The following SEC14L6 variants were observed in gnomAD, a reference collection of about 807,000 sequenced individuals.
SEC14L6 encodes the protein SEC14 like lipid binding 6.
In SEC14L6, 40 loss-of-function variants were observed where a neutral mutation model predicts 54.1. The ratio of observed to expected loss-of-function variants is 0.74; its 90% CI spans 0.57 to 0.96. The LOEUF (loss-of-function observed/expected upper bound fraction) is 0.96. Ranked by LOEUF, SEC14L6 falls within the 40% of genes least tolerant of loss-of-function variation. The pLI is 0.00. For missense variants in SEC14L6, 471 were observed against 498.3 expected, an observed-to-expected ratio of 0.95 and a Z score of 0.52; for synonymous variants, 171 against 198.4, an observed-to-expected ratio of 0.86 and a Z score of 1.16.
chr22:30,531,628 G>T (rs1936976703), intron 6 of SEC14L6, among the ~76,000 whole-genome samples: 1 of 152,182 alleles, frequency 6.6e-6, no homozygotes, highest in African/African-American at 2.4e-5. Context: ...GGAGGCTGAG[G>T]CAGAAGAATT....
At chr22:30,542,877 G>A (rs190986873) in intron 1 of SEC14L6, 2 of 1,600,156 alleles carry the variant, frequency 1.2e-6, no homozygotes, top group African/African-American at 1.3e-5. Flanking sequence ...GAACCAACAT[G>A]GACTTTTCCA....
chr22:30,538,084 A>T (rs1450626690), intron 2 of SEC14L6, among the ~76,000 whole-genome samples: 1 of 152,196 alleles, frequency 6.6e-6, no homozygotes, highest in African/African-American at 2.4e-5. Context: ...TCATGCCTGT[A>T]ATCCCAGCAC....
At chr22:30,543,726 A>C in intron 1 of SEC14L6, 2 of 1,597,274 alleles carry the variant, frequency 1.3e-6, no homozygotes, top group Non-Finnish European at 1.7e-6. Flanking sequence ...TGGTGGCCCT[A>C]CTGATGGAGG....
At chr22:30,546,252 A>G (rs1393227165) in intron 1 of SEC14L6, among the ~76,000 whole-genome samples, 1 of 151,866 alleles carries the variant, frequency 6.6e-6, no homozygotes, top group Non-Finnish European at 1.5e-5. Flanking sequence ...GCGTGGTAGC[A>G]GGTGCCTGTA....
At position 30,525,643 on chromosome 22, in the gene SEC14L6, C is replaced by T; in HGVS notation, c.879G>A (p.Glu293=). The T allele has an allele frequency of 6.2e-7, 1 of 1,609,872 alleles. No individual in the cohort carries two copies. Among genetic ancestry groups the T allele is most frequent in the Non-Finnish European group, 8.5e-7 (1 of 1,178,314 alleles). Residue 293 remains glutamate (E), a synonymous_variant, in exon 10 of 12, where the codon GAG becomes GAA. Coordinates refer to ENST00000402034, the MANE Select transcript of SEC14L6 (RefSeq NM_001193336.4). The part of the protein sequence containing the change: ...SVGRGSSLQV[E]NEILFPGCVL... ...CACAGCCCGGGAACAGGATCTCGTT[C>T]TCCACCTGCAGGGAGGAGCCGCGGC...
At chr22:30,529,463 C>A in intron 6 of SEC14L6, 114 bp from the exon 7 acceptor site, 1 of 827,350 alleles carries the variant, frequency 1.2e-6, no homozygotes. Flanking sequence ...TGCCAACCAT[C>A]CAAGGCTTTG....
At chr22:30,546,501 G>T in intron 1 of SEC14L6, 128 bp downstream of exon 1, 1 of 735,452 alleles carries the variant, frequency 1.4e-6, no homozygotes, top group Non-Finnish European at 2.2e-6. Flanking sequence ...TGGCTACCAA[G>T]CCCCTCAGGG....
Position 30,538,922 on chromosome 22 carries a change from G to C in SEC14L6, c.55-20C>G. 1 of 1,542,032 alleles carries C rather than the reference G, an allele frequency of 6.5e-7. No individual in the cohort carries two copies. The highest frequency in any genetic ancestry group is 8.8e-7 in the Non-Finnish European group (1 of 1,138,732). ...CCGGAACTGAGGACAGACAGGGAGA[G>C]ACCTGGGTCAGAGGCCAACCACCCT... On this transcript the variant is annotated intron_variant, in intron 1 of 11. Transcript: ENST00000402034.
chr22:30,538,883 T>C lies in SEC14L6; in HGVS notation c.74A>G (p.Asp25Gly). 1 of 1,554,538 alleles carries C rather than the reference T, an allele frequency of 6.4e-7. No individual in the cohort carries two copies. The highest frequency in any genetic ancestry group is 1.4e-5 in the African/African-American group (1 of 73,344). Residue 25 changes from aspartate to glycine, a missense_variant, in exon 2 of 12, where the codon GAT (aspartate) becomes GGT (glycine). Physicochemically the swap from Asp to Gly is moderately conservative, Grantham distance 94. Transcript: ENST00000402034. ...SLAQFRENIQ[D>G]VLSALPNPDD... ...AGGATTGGGCAGCGCAGATAGCACA[T>C]CTTGGATGTTCTCCCGGAACTGAGG... is the stretch of plus-strand genomic sequence containing the variant.
intron 1 of SEC14L6, among the ~76,000 whole-genome samples, chr22:30,539,302 A>C (rs1425671990): frequency 6.6e-6 from 1 of 151,780 alleles, no homozygotes; most frequent in African/African-American, 2.4e-5. Flanking sequence ...GCTTAAACCC[A>C]GGAGGCGGAG....
At chr22:30,525,289 C>T in intron 11 of SEC14L6, 61 bp downstream of exon 11, 2 of 1,562,656 alleles carry the variant, frequency 1.3e-6, no homozygotes, top group South Asian at 2.4e-5. Flanking sequence ...CCTGGATGCA[C>T]ATTGTAGCAC....
rs1936666497 is a variant in SEC14L6 at position 30,523,375 on chromosome 22, GAC to G, written c.*1620_*1621del. On this transcript the variant is annotated 3_prime_UTR_variant, in exon 12 of 12. Coordinates refer to ENST00000402034, the MANE Select transcript of SEC14L6 (RefSeq NM_001193336.4). Reference sequence around the variant, plus strand: ...CTCAGTCTGAATTTTTTTTTTTTAAGACAGGGTCTTGCTCTGTTTCCCAGGCT... The same window carrying G: ...CTCAGTCTGAATTTTTTTTTTTTAAGAGGGTCTTGCTCTGTTTCCCAGGCT... 1 of 152,050 alleles carries G rather than the reference GAC, an allele frequency of 6.6e-6. No homozygotes were observed. The highest frequency in any genetic ancestry group is 1.9e-4 in the East Asian group (1 of 5,176). 9.4% of individuals were successfully genotyped at this position (152,050 alleles called of 1,614,324 possible). A position where few individuals can be genotyped will look rare whatever the true frequency, so the allele number is the denominator to read the frequency against.
chr22:30,544,079 A>C (rs1430186537), intron 1 of SEC14L6: 1 of 1,490,292 alleles, frequency 6.7e-7, no homozygotes, highest in Non-Finnish European at 9.3e-7. Context: ...GTCCCGAGGA[A>C]GTGAATGGGA....
rs1484678392 is a variant in SEC14L6 at position 30,523,207 on chromosome 22, G to A, written c.*1790C>T. The A allele has an allele frequency of 6.6e-6, 1 of 152,198 alleles. No homozygotes were observed. Among genetic ancestry groups the A allele is most frequent in the Non-Finnish European group, 1.5e-5 (1 of 68,052 alleles). The allele number at this position is 152,198 out of a possible 1,614,324, so 9.4% of individuals were successfully genotyped here. A position where few individuals can be genotyped will look rare whatever the true frequency, so the allele number is the denominator to read the frequency against. ...CTGTCATTTGGGGCTGCCACATTGAGAACAAGCTGGGACAACATGTGAGTG... is the reference window on the plus strand; with the variant it reads ...CTGTCATTTGGGGCTGCCACATTGAAAACAAGCTGGGACAACATGTGAGTG... On this transcript the variant is annotated 3_prime_UTR_variant, in exon 12 of 12. Transcript: ENST00000402034.
intron 2 of SEC14L6, among the ~76,000 whole-genome samples, chr22:30,536,517 C>T (rs887278667): frequency 6.6e-6 from 1 of 152,194 alleles, no homozygotes; most frequent in Non-Finnish European, 1.5e-5. Flanking sequence ...CTTCCCTAAC[C>T]TGGTCCCCAA....
rs1249416430 is a variant in SEC14L6, at chr22:30,546,729, T to C, written c.-47A>G. On this transcript the variant is annotated 5_prime_UTR_variant, in exon 1 of 12. Coordinates refer to ENST00000402034, the MANE Select transcript of SEC14L6 (RefSeq NM_001193336.4). The stretch of plus-strand genomic sequence containing the variant: ...GCTCCACTCTGTGGCTCCCTCCAGG[T>C]GGCCTGCCTTTTGCCAGCTGGTAGC... 1.3e-6 allele frequency: 2 copies of C among 1,508,210 alleles called. No individual in the cohort carries two copies. The highest frequency in any genetic ancestry group is 2.8e-5 in the African/African-American group (2 of 71,970). 93.4% of individuals were successfully genotyped at this position (1,508,210 alleles called of 1,614,324 possible). A position where few individuals can be genotyped will look rare whatever the true frequency, so the allele number is the denominator to read the frequency against.
Position 30,532,628 on chromosome 22 carries a change from T to A in SEC14L6, c.320A>T (p.Asp107Val). ...PVWYHIVGSLDPKGLLLSASK... is the reference protein window; with the variant it reads ...PVWYHIVGSLVPKGLLLSASK... ...GGCTGAGAGCAAGAGGCCTTTGGGG[T>A]CCAGGCTTCCCACAATGTGGTACCA... Residue 107 changes from aspartate (D) to valine (V), a missense_variant, in exon 5 of 12, where the codon GAC becomes GTC. By Grantham distance (152) the Asp-to-Val change is radical. Transcript: ENST00000402034. The A allele has an allele frequency of 6.4e-7, 1 of 1,550,626 alleles. No individual in the cohort carries two copies. The highest frequency in any genetic ancestry group is 8.7e-7 in the Non-Finnish European group (1 of 1,147,012).
rs369236632 is a variant in SEC14L6, at chr22:30,531,269, G to A, written c.519+634C>T. ...CTAAAAATACAAAAATTAGCCGGGCGTGGTGGCAGGCGCCTTAATCCCAGC... is the reference window on the plus strand; with the variant it reads ...CTAAAAATACAAAAATTAGCCGGGCATGGTGGCAGGCGCCTTAATCCCAGC... On this transcript the variant is annotated intron_variant, in intron 6 of 11. Coordinates refer to ENST00000402034, the MANE Select transcript of SEC14L6 (RefSeq NM_001193336.4). 1.2e-3 allele frequency among the ~76,000 whole-genome samples: 188 copies of A among 151,834 alleles called. 2 individuals are homozygous for A. In the South Asian group the frequency reaches 0.037, roughly 30 times the overall value.
intron 6 of SEC14L6, among the ~76,000 whole-genome samples, chr22:30,531,286 A>G (rs1936961227): frequency 1.3e-5 from 2 of 151,794 alleles, no homozygotes; most frequent in Non-Finnish European, 2.9e-5. Context: ...CAGGCGCCTT[A>G]ATCCCAGCTA....
Sources: gnomAD v4.1 joint callset for allele counts (sites outside exome capture counted in the v4.1 genomes callset) on GRCh38, gnomAD v4.1.1 for gene constraint, MANE v1.5 for transcripts, NCBI Gene and HGNC (gene_info 2026-07-23, HGNC 2026-07-21) for gene names.